The following ELP4 variants were observed in gnomAD, a reference collection of about 807,000 sequenced individuals.
The protein encoded by ELP4 is elongator complex protein 4.
In ELP4, 51 loss-of-function variants were observed where a neutral mutation model predicts 48.9. The observed-to-expected ratio is 1.04, with a 90% confidence interval of 0.83 to 1.32. The LOEUF (loss-of-function observed/expected upper bound fraction) is 1.32. Ranked by LOEUF, ELP4 falls within the 40% of genes most tolerant of loss-of-function variation. The pLI is 0.00. For missense variants in ELP4, 519 were observed against 514.6 expected, an observed-to-expected ratio of 1.01 and a Z score of -0.08; for synonymous variants, 210 against 189.2, an observed-to-expected ratio of 1.11 and a Z score of -0.90.
chr11:31,756,271 A>G (rs1437233002), intron 9 of ELP4, among the ~76,000 whole-genome samples: 2 of 152,276 alleles, frequency 1.3e-5, no homozygotes, highest in East Asian at 3.9e-4. Flanking sequence ...TAATCATGCC[A>G]CTTTCCATGA....
At chr11:31,753,484 A>G (rs754816381) in intron 9 of ELP4, among the ~76,000 whole-genome samples, 4 of 152,208 alleles carry the variant, frequency 2.6e-5, no homozygotes, top group Non-Finnish European at 5.9e-5. Context: ...CTGGGAGTCA[A>G]GTAAGTTGGC....
chr11:31,658,496 T>A (rs1056436459), intron 9 of ELP4, among the ~76,000 whole-genome samples: 16 of 151,820 alleles, frequency 1.1e-4, no homozygotes, highest in Non-Finnish European at 2.1e-4. Context: ...TCTAAAATAC[T>A]ATTTACTGTT....
intron 3 of ELP4, among the ~76,000 whole-genome samples, chr11:31,578,434 A>G (rs181174286): frequency 6.6e-4 from 100 of 152,296 alleles, no homozygotes; most frequent in African/African-American, 2.4e-3. Context: ...AAGGAGAAAA[A>G]ACTGCTTTAA....
At chr11:31,514,145 C>T (rs896387283) in intron 1 of ELP4, among the ~76,000 whole-genome samples, 5 of 152,164 alleles carry the variant, frequency 3.3e-5, no homozygotes, top group Non-Finnish European at 7.3e-5. Context: ...ATCTTAAAGA[C>T]ATCTAGAAGT....
chr11:31,599,535 C>T (rs1456362597), intron 4 of ELP4: 3 of 132,338 alleles, frequency 2.3e-5, no homozygotes, highest in Admixed American at 7.9e-5. Flanking sequence ...AAAAAAAAAA[C>T]CTGGCTGTAT....
chr11:31,574,567 T>C (rs1289055783), intron 3 of ELP4, among the ~76,000 whole-genome samples: 1 of 152,142 alleles, frequency 6.6e-6, no homozygotes. Context: ...TACAGCTGGG[T>C]GCCCCTCTGA....
chr11:31,715,861 G>A (rs1172084549), intron 9 of ELP4, among the ~76,000 whole-genome samples: 1 of 152,090 alleles, frequency 6.6e-6, no homozygotes, highest in Non-Finnish European at 1.5e-5. Flanking sequence ...TCAATAGACG[G>A]TAACTGCTTT....
intron 9 of ELP4, among the ~76,000 whole-genome samples, chr11:31,734,522 GA>G (rs1947261379): frequency 6.6e-6 from 1 of 152,152 alleles, no homozygotes; most frequent in Non-Finnish European, 1.5e-5. Flanking sequence ...TTGCTGGATT[GA>G]AAAGACAACA....
At chr11:31,556,430 G>A (rs1451192049) in intron 3 of ELP4, among the ~76,000 whole-genome samples, 1 of 151,334 alleles carries the variant, frequency 6.6e-6, no homozygotes. Flanking sequence ...ACATTTATTA[G>A]TAGACTGATT....
intron 9 of ELP4, among the ~76,000 whole-genome samples, chr11:31,777,417 G>A (rs1344658258): frequency 6.6e-6 from 1 of 152,052 alleles, no homozygotes; most frequent in African/African-American, 2.4e-5. Flanking sequence ...TGCATTTCTT[G>A]GTCAGAAACC....
chr11:31,543,928 TCA>T (rs1206820069), intron 3 of ELP4, among the ~76,000 whole-genome samples: 7 of 152,120 alleles, frequency 4.6e-5, no homozygotes, highest in African/African-American at 1.7e-4. Flanking sequence ...CAAAAAGAAT[TCA>T]CAACCACCAG....
chr11:31,544,742 G>A (rs1170253030), intron 3 of ELP4, among the ~76,000 whole-genome samples: 2 of 152,220 alleles, frequency 1.3e-5, no homozygotes, highest in African/African-American at 2.4e-5. Flanking sequence ...GCCTAACTGG[G>A]AGGCACCCCC....
chr11:31,572,176 C>G (rs1026065514), intron 3 of ELP4, among the ~76,000 whole-genome samples: 2 of 152,188 alleles, frequency 1.3e-5, no homozygotes, highest in Admixed American at 6.5e-5. Flanking sequence ...GCTAGATCTT[C>G]TGGATAACTT....
chr11:31,584,527 T>G (rs1565066536), intron 3 of ELP4, among the ~76,000 whole-genome samples: 1 of 152,068 alleles, frequency 6.6e-6, no homozygotes, highest in Non-Finnish European at 1.5e-5. Context: ...TTTGTTTTGT[T>G]GTTGTTGTTG....
At chr11:31,736,432 T>C (rs1253122662) in intron 9 of ELP4, among the ~76,000 whole-genome samples, 1 of 152,120 alleles carries the variant, frequency 6.6e-6, no homozygotes, top group African/African-American at 2.4e-5. Context: ...ACTTCATGTC[T>C]AAAACACCAA....
intron 3 of ELP4, among the ~76,000 whole-genome samples, chr11:31,547,085 C>G (rs1956739997): frequency 6.6e-6 from 1 of 152,004 alleles, no homozygotes; most frequent in South Asian, 2.1e-4. Flanking sequence ...ACTAGAGAAC[C>G]AAGAGCAAAC....
chr11:31,605,849 G>T (rs1242138290), intron 5 of ELP4, among the ~76,000 whole-genome samples: 1 of 151,950 alleles, frequency 6.6e-6, no homozygotes, highest in Non-Finnish European at 1.5e-5. Flanking sequence ...GCAATTTCAG[G>T]TTAGAGTTGC....
At position 31,785,564 on chromosome 11, in the gene ELP4, G is replaced by C. The variant is rs183115097; in HGVS notation, c.*2040G>C. 366 of 194,306 alleles carry C rather than the reference G, an allele frequency of 1.9e-3. 1 individual carries two copies. The highest frequency in any genetic ancestry group is 3.0e-3 in the Non-Finnish European group (281 of 93,232). The allele number at this position is 194,306 out of a possible 1,614,324, so 12.0% of individuals were successfully genotyped here. A position where few individuals can be genotyped will look rare whatever the true frequency, so the allele number is the denominator to read the frequency against. The stretch of plus-strand genomic sequence containing the variant: ...GAAACTTTTCAAACTCAGTAAAAGT[G>C]CATTTTGAATAATAAGTGTACCTGG... On this transcript the variant is annotated 3_prime_UTR_variant, in exon 10 of 10. Coordinates refer to ENST00000640961, the MANE Select transcript of ELP4 (RefSeq NM_019040.5).
At chr11:31,543,934 C>A (rs541115694) in intron 3 of ELP4, among the ~76,000 whole-genome samples, 16 of 152,144 alleles carry the variant, frequency 1.1e-4, no homozygotes, top group Non-Finnish European at 1.8e-4. Context: ...GAATTCACAA[C>A]CACCAGACTT....
Sources: gnomAD v4.1 joint callset for allele counts (sites outside exome capture counted in the v4.1 genomes callset) on GRCh38, gnomAD v4.1.1 for gene constraint, MANE v1.5 for transcripts, NCBI Gene and HGNC (gene_info 2026-07-23, HGNC 2026-07-21) for gene names.